C2CD3: variants seen among roughly 807,000 people sequenced by gnomAD.
The protein encoded by C2CD3 is C2 domain-containing protein 3.
A neutral mutation model predicts 234.0 loss-of-function variants in C2CD3; 148 were observed. That is an observed-to-expected ratio of 0.63 (90% CI 0.55 to 0.72). The LOEUF (loss-of-function observed/expected upper bound fraction) is 0.72, where lower values mean the gene tolerates loss of function less well. Ranked by LOEUF, C2CD3 falls within the 30% of genes least tolerant of loss-of-function variation. The probability of loss-of-function intolerance (pLI) is 0.00; values close to 1 mark genes in which losing one functional copy is unlikely to be tolerated. For missense variants in C2CD3, 2,577 were observed against 2,811.5 expected, an observed-to-expected ratio of 0.92 and a Z score of 1.89; for synonymous variants, 1,000 against 1,035.4, an observed-to-expected ratio of 0.97 and a Z score of 0.66.
At chr11:74,169,759 T>A (rs1214307865) in intron 1 of C2CD3, among the ~76,000 whole-genome samples, 1 of 152,208 alleles carries the variant, frequency 6.6e-6, no homozygotes, top group Non-Finnish European at 1.5e-5. Flanking sequence ...GGAGCACTAG[T>A]ATGCTTCAGT....
chr11:74,133,833 T>C (rs1379888421), intron 5 of C2CD3, among the ~76,000 whole-genome samples: 1 of 152,212 alleles, frequency 6.6e-6, no homozygotes, highest in Non-Finnish European at 1.5e-5. Flanking sequence ...GTTATATCCA[T>C]ATACTGGCTC....
intron 7 of C2CD3, chr11:74,129,462 A>T (rs1376863472): frequency 5.4e-6 from 1 of 183,704 alleles, no homozygotes. Context: ...GGCGCTCCCC[A>T]CATCTCAGAC....
At chr11:74,102,550 T>C (rs1956355398) in intron 14 of C2CD3, among the ~76,000 whole-genome samples, 1 of 152,186 alleles carries the variant, frequency 6.6e-6, no homozygotes, top group African/African-American at 2.4e-5. Context: ...GTGCCAGCAA[T>C]AGAGTAAGAG....
intron 11 of C2CD3, among the ~76,000 whole-genome samples, chr11:74,110,090 T>A (rs187005284): frequency 6.6e-6 from 1 of 150,572 alleles, no homozygotes; most frequent in African/African-American, 2.4e-5. Context: ...CAAAAATAAA[T>A]AAATAAATAA....
In C2CD3 at chr11:74,013,360, C is replaced by A. The variant is rs554297653; in HGVS notation, c.*25G>T. On this transcript the variant is annotated 3_prime_UTR_variant, in exon 33 of 33. Coordinates refer to ENST00000334126, the MANE Select transcript of C2CD3 (RefSeq NM_001286577.2). ...CTGACGGAGGGTGGGCAGGTGTCTCCTTCCCCCCAGCCCCTCAGGCTGCGT... is the reference window on the plus strand; with the variant it reads ...CTGACGGAGGGTGGGCAGGTGTCTCATTCCCCCCAGCCCCTCAGGCTGCGT... 5.0e-6 allele frequency: 4 copies of A among 795,706 alleles called. No homozygotes were observed. The highest frequency in any genetic ancestry group is 2.6e-4 in the Middle Eastern group (1 of 3,848). The allele number at this position is 795,706 out of a possible 1,614,324, so 49.3% of individuals were successfully genotyped here.
At chr11:74,101,007 C>G (rs1175437791) in intron 14 of C2CD3, among the ~76,000 whole-genome samples, 1 of 152,166 alleles carries the variant, frequency 6.6e-6, no homozygotes, top group Non-Finnish European at 1.5e-5. Flanking sequence ...CAAAGTGATC[C>G]ACTAGTAAAC....
intron 32 of C2CD3, among the ~76,000 whole-genome samples, chr11:74,027,453 C>T (rs1952348073): frequency 6.6e-6 from 1 of 152,168 alleles, no homozygotes; most frequent in African/African-American, 2.4e-5. Flanking sequence ...TATTCCTCAT[C>T]AGATTGCTAA....
At chr11:74,034,583 A>T (rs1253237539) in intron 30 of C2CD3, 2 of 1,613,918 alleles carry the variant, frequency 1.2e-6, no homozygotes, top group Non-Finnish European at 1.7e-6. Flanking sequence ...GGGCATGTTC[A>T]TGCTTCCAGT....
At chr11:74,021,152 GAGGC>G (rs1282708772) in intron 32 of C2CD3, among the ~76,000 whole-genome samples, 1 of 152,174 alleles carries the variant, frequency 6.6e-6, no homozygotes, top group Non-Finnish European at 1.5e-5. Flanking sequence ...TCAGGAGGCT[GAGGC>G]AGGAGATCAC....
intron 24 of C2CD3, among the ~76,000 whole-genome samples, chr11:74,065,523 G>A (rs1277590440): frequency 2.6e-5 from 4 of 152,154 alleles, no homozygotes. Context: ...CAAGGATCTA[G>A]AACTAGAAAT....
chr11:74,077,837 A>G (rs1955138098), intron 23 of C2CD3, among the ~76,000 whole-genome samples: 1 of 17,626 alleles, frequency 5.7e-5, no homozygotes, highest in South Asian at 1.7e-3. Flanking sequence ...ATATATATAT[A>G]TATATATATT....
intron 11 of C2CD3, among the ~76,000 whole-genome samples, chr11:74,110,082 A>AAAATAAATAAAT (rs56925936): frequency 0.011 from 1,651 of 144,524 alleles, 34 homozygotes; most frequent in African/African-American, 0.042. Flanking sequence ...CTCTGTCTCA[A>AAAATAAATAAAT]AAATAAATAA....
intron 3 of C2CD3, among the ~76,000 whole-genome samples, chr11:74,152,104 T>G (rs568825382): frequency 1.3e-5 from 2 of 152,290 alleles, no homozygotes; most frequent in African/African-American, 4.8e-5. Context: ...TGAAGTCTCA[T>G]GAAATCACAT....
chr11:74,087,007 G>A (rs964499699), intron 20 of C2CD3, among the ~76,000 whole-genome samples: 1 of 152,008 alleles, frequency 6.6e-6, no homozygotes, highest in African/African-American at 2.4e-5. Context: ...TTAAGTCTCA[G>A]TTTCCTCTTC....
At chr11:74,035,949 C>T (rs529486112) in intron 30 of C2CD3, among the ~76,000 whole-genome samples, 4 of 152,150 alleles carry the variant, frequency 2.6e-5, no homozygotes, top group Admixed American at 2.0e-4. Flanking sequence ...CAACCTCTGC[C>T]CCTGCATTCA....
intron 28 of C2CD3, among the ~76,000 whole-genome samples, chr11:74,044,991 T>G (rs1204506179): frequency 6.6e-6 from 1 of 152,146 alleles, no homozygotes; most frequent in Non-Finnish European, 1.5e-5. Context: ...AAGGAATCAT[T>G]GTCTAATCCA....
intron 24 of C2CD3, among the ~76,000 whole-genome samples, chr11:74,068,038 T>A (rs1954624414): frequency 6.6e-6 from 1 of 152,206 alleles, no homozygotes; most frequent in African/African-American, 2.4e-5. Context: ...AGCTTCTGAT[T>A]CTTAGATTTC....
chr11:74,066,331 C>T (rs1018005075), intron 24 of C2CD3, among the ~76,000 whole-genome samples: 1 of 145,906 alleles, frequency 6.9e-6, no homozygotes. Context: ...GTGCAGCACA[C>T]CAACATGGCA....
chr11:74,045,645 C>A (rs1427089245), intron 28 of C2CD3, among the ~76,000 whole-genome samples: 1 of 151,870 alleles, frequency 6.6e-6, no homozygotes, highest in East Asian at 1.9e-4. Flanking sequence ...GAACATGGCT[C>A]ACTGTAGCCT....
Sources: gnomAD v4.1 joint callset for allele counts (sites outside exome capture counted in the v4.1 genomes callset) on GRCh38, gnomAD v4.1.1 for gene constraint, MANE v1.5 for transcripts, NCBI Gene and HGNC (gene_info 2026-07-23, HGNC 2026-07-21) for gene names.